The following EDNRB variants were observed in gnomAD, a reference collection of about 807,000 sequenced individuals.
EDNRB encodes endothelin receptor type B.
EDNRB carries 18 observed loss-of-function variants against 46.4 expected under a neutral mutation model. The observed-to-expected ratio is 0.39, with a 90% CI of 0.27 to 0.57. The LOEUF is 0.57. Ranked by LOEUF, EDNRB falls within the 20% of genes least tolerant of loss-of-function variation. The pLI, the probability that EDNRB is intolerant of heterozygous loss-of-function variation, is 0.61. For synonymous variants in EDNRB, 213 were observed against 204.9 expected, an observed-to-expected ratio of 1.04 and a Z score of -0.34; for missense variants, 434 against 537.5, an observed-to-expected ratio of 0.81 and a Z score of 1.90.
chr13:77,952,989 C>T (rs2137675995), intron 1 of EDNRB, among the ~76,000 whole-genome samples: 1 of 152,288 alleles, frequency 6.6e-6, no homozygotes, highest in South Asian at 2.1e-4. Flanking sequence ...CAGCTTTAGT[C>T]TACAGTAACC....
chr13:77,897,812 C>CT lies in EDNRB; in HGVS notation c.*387dup. Reference sequence around the variant, plus strand: ...ATTTAAAAGTTCTGTTTTACAGTGACTTATTCTTCCTTTATATCAGAGTCC... The same window carrying CT: ...ATTTAAAAGTTCTGTTTTACAGTGACTTTATTCTTCCTTTATATCAGAGTCC... On this transcript the variant is annotated 3_prime_UTR_variant, in exon 7 of 7. Transcript: ENST00000646607. 2.0e-6 allele frequency: 2 copies of CT among 1,003,392 alleles called. No individual in the cohort carries two copies. Among genetic ancestry groups the CT allele is most frequent in the Non-Finnish European group, 2.4e-6 (2 of 840,252 alleles). 62.2% of individuals were successfully genotyped at this position (1,003,392 alleles called of 1,614,324 possible). A position where few individuals can be genotyped will look rare whatever the true frequency, so the allele number is the denominator to read the frequency against.
intron 1 of EDNRB, among the ~76,000 whole-genome samples, chr13:77,907,577 C>G (rs879142710): frequency 6.6e-6 from 1 of 151,808 alleles, no homozygotes; most frequent in Admixed American, 6.6e-5. Context: ...TCTGGAGAAC[C>G]CTGACTAATC....
At chr13:77,922,631 A>C (rs1880118964), upstream of EDNRB, among the ~76,000 whole-genome samples, 1 of 152,148 alleles carries the variant, frequency 6.6e-6, no homozygotes, top group Non-Finnish European at 1.5e-5. Context: ...TTTTAAAGTG[A>C]CTGCAAAAGT....
intron 1 of EDNRB, among the ~76,000 whole-genome samples, chr13:77,933,234 C>T (rs956804326): frequency 6.6e-6 from 1 of 152,128 alleles, no homozygotes; most frequent in Non-Finnish European, 1.5e-5. Context: ...CATGCGCGTC[C>T]GTGTGAAGAG....
intron 1 of EDNRB, among the ~76,000 whole-genome samples, chr13:77,936,229 G>A (rs1880559655): frequency 6.6e-6 from 1 of 152,152 alleles, no homozygotes; most frequent in African/African-American, 2.4e-5. Context: ...GGGGGAAAAG[G>A]CGGCAATGAG....
At chr13:77,970,521 C>T (rs181868523) in intron 1 of EDNRB, among the ~76,000 whole-genome samples, 4 of 152,116 alleles carry the variant, frequency 2.6e-5, no homozygotes, top group African/African-American at 2.4e-5. Flanking sequence ...CCTTATGAGC[C>T]GTCTTGTGCA....
Position 77,897,718 on chromosome 13 carries a change from G to C in EDNRB, c.*482C>G, listed in dbSNP as rs200246751. 3 of 985,696 alleles carry C rather than the reference G, an allele frequency of 3.0e-6. No homozygotes were observed. The South Asian group carries it at 1.4e-4, about 45-fold the overall frequency. The allele number at this position is 985,696 out of a possible 1,614,324, so 61.1% of individuals were successfully genotyped here. On this transcript the variant is annotated 3_prime_UTR_variant, in exon 7 of 7. Coordinates refer to ENST00000646607, the MANE Select transcript of EDNRB (RefSeq NM_001122659.3). ...TGCATCTAATTACAATCTGATAATA[G>C]TGTGATAATATTAATTGAAAAGTTG... is the stretch of plus-strand genomic sequence containing the variant.
At chr13:77,931,697 T>A (rs1359571805) in intron 1 of EDNRB, among the ~76,000 whole-genome samples, 1 of 139,984 alleles carries the variant, frequency 7.1e-6, no homozygotes. Flanking sequence ...CTTTTTTGAG[T>A]CTCAGCTACA....
chr13:77,927,764 A>G (rs557617332), intron 1 of EDNRB, among the ~76,000 whole-genome samples: 2 of 152,308 alleles, frequency 1.3e-5, no homozygotes, highest in African/African-American at 4.8e-5. Flanking sequence ...TTTGTAAGAA[A>G]AGTGTTCTTA....
At chr13:77,953,384 C>A (rs1000141148) in intron 1 of EDNRB, among the ~76,000 whole-genome samples, 5 of 150,666 alleles carry the variant, frequency 3.3e-5, no homozygotes, top group African/African-American at 4.9e-5. Context: ...ATATATATAT[C>A]TTTTATTTTC....
intron 1 of EDNRB, among the ~76,000 whole-genome samples, chr13:77,952,030 C>CA (rs1318488500): frequency 6.6e-6 from 1 of 152,146 alleles, no homozygotes; most frequent in Non-Finnish European, 1.5e-5. Context: ...TTCCCCACTG[C>CA]AATCCCTTCA....
Position 77,963,272 on chromosome 13 carries a change from T to C in EDNRB, c.-52+12075A>G, listed in dbSNP as rs539188947. ...TTCACAGAATTGGAAAAAACTACTT[T>C]AAAGTTCATATGGAACCAAAAAAGA... On this transcript the variant is annotated intron_variant, in intron 1 of 7. Coordinates refer to the EDNRB transcript ENST00000646948. Among the ~76,000 whole-genome samples the C allele has an allele frequency of 6.6e-4, 100 of 152,294 alleles. 1 individual carries two copies. The highest frequency in any genetic ancestry group is 5.6e-3 in the South Asian group (27 of 4,820).
At position 77,899,974 on chromosome 13, in the gene EDNRB, C is replaced by T. The variant is rs1019653590; in HGVS notation, c.1086-7G>A. On this transcript the variant is annotated splice_polypyrimidine_tract_variant and splice_region_variant and intron_variant, in intron 5 of 6. Transcript: ENST00000646607. ...GTCCAATACCAACAGAAAGCTGCAA[C>T]AAAATAACCCAAAATGTGTCTGAAA... 8.7e-6 allele frequency: 14 copies of T among 1,601,814 alleles called. No individual in the cohort carries two copies. The highest frequency in any genetic ancestry group is 1.1e-5 in the Non-Finnish European group (13 of 1,170,146).
intron 1 of EDNRB, among the ~76,000 whole-genome samples, chr13:77,907,720 T>A (rs2137620801): frequency 6.6e-6 from 1 of 152,056 alleles, no homozygotes; most frequent in Admixed American, 6.6e-5. Flanking sequence ...TCAAGATGAA[T>A]GAGCGTCCAG....
chr13:77,950,180 T>C, intron 1 of EDNRB, among the ~76,000 whole-genome samples: 1 of 152,190 alleles, frequency 6.6e-6, no homozygotes, highest in Non-Finnish European at 1.5e-5. Flanking sequence ...CTATGAATTT[T>C]CCCGGGTCTT....
intron 1 of EDNRB, among the ~76,000 whole-genome samples, chr13:77,953,494 A>G (rs528717259): frequency 1.3e-5 from 2 of 152,288 alleles, no homozygotes; most frequent in Admixed American, 6.5e-5. Flanking sequence ...AGGATTAGCC[A>G]CCTACAACCA....
chr13:77,928,087 A>G (rs1005072436), intron 1 of EDNRB, among the ~76,000 whole-genome samples: 2 of 152,200 alleles, frequency 1.3e-5, no homozygotes, highest in South Asian at 2.1e-4. Flanking sequence ...TCTTTACTTT[A>G]TAAATTACCC....
intron 1 of EDNRB, among the ~76,000 whole-genome samples, chr13:77,967,819 T>C (rs1189828706): frequency 6.6e-6 from 1 of 152,198 alleles, no homozygotes; most frequent in Non-Finnish European, 1.5e-5. Flanking sequence ...TAGATGTTCA[T>C]TTGATACTGC....
chr13:77,902,117 T>C (rs1004239404), intron 3 of EDNRB, among the ~76,000 whole-genome samples: 3 of 151,968 alleles, frequency 2.0e-5, no homozygotes, highest in Non-Finnish European at 2.9e-5. Flanking sequence ...ATGAAAAGTT[T>C]CTTGCAATGG....
Sources: allele counts gnomAD v4.1 joint callset (sites outside exome capture counted in the v4.1 genomes callset), GRCh38; gene constraint gnomAD v4.1.1; transcripts MANE v1.5; gene names NCBI Gene and HGNC (gene_info 2026-07-23, HGNC 2026-07-21).